The following ERC1 variants were observed in gnomAD, a reference collection of about 807,000 sequenced individuals.
ERC1 encodes ELKS/RAB6-interacting/CAST family member 1, also known as RAB6 interacting protein 2.
In ERC1, 56 loss-of-function variants were observed where a neutral mutation model predicts 132.0. The ratio of observed to expected loss-of-function variants is 0.42; its 90% CI spans 0.34 to 0.53. ERC1 has a LOEUF of 0.53. ERC1 is among the 20% of genes least tolerant of loss of function. ERC1 has a pLI of 0.03. For synonymous variants in ERC1, 478 were observed against 476.1 expected, an observed-to-expected ratio of 1.00 and a Z score of -0.05; for missense variants, 1,202 against 1,349.9, an observed-to-expected ratio of 0.89 and a Z score of 1.72.
In ERC1 at chr12:1,348,793, A is replaced by C. The variant is rs544602227; in HGVS notation, c.2781-23040A>C. Among the ~76,000 whole-genome samples, 18 of 152,244 alleles carry C rather than the reference A, an allele frequency of 1.2e-4. 1 individual carries two copies. The highest frequency in any genetic ancestry group is 4.3e-4 in the African/African-American group (18 of 41,554). On this transcript the variant is annotated intron_variant, in intron 15 of 18. Coordinates refer to ENST00000360905, the MANE Select transcript of ERC1 (RefSeq NM_178040.4). ...TCTCTTAAAATACACGGGTCACCGG[A>C]ATGTAGGTTTTTTGGTAAGTGCTGA...
At position 1,492,967 on chromosome 12, in the gene ERC1, A is replaced by G; in HGVS notation, c.*2737A>G. ...TGAAAACTCAGTGCAGGTTGCCCTT[A>G]ATTTTCCCCAAACCCCTCCATCGGC... On this transcript the variant is annotated 3_prime_UTR_variant, in exon 19 of 19. Coordinates refer to ENST00000360905, the MANE Select transcript of ERC1 (RefSeq NM_178040.4). The G allele has an allele frequency of 4.4e-6, 1 of 226,898 alleles. No individual in the cohort carries two copies. The highest frequency in any genetic ancestry group is 6.3e-5 in the East Asian group (1 of 15,854). 14.1% of individuals were successfully genotyped at this position (226,898 alleles called of 1,614,324 possible).
At chr12:1,294,240 A>T (rs866958257) in intron 15 of ERC1, among the ~76,000 whole-genome samples, 14 of 152,222 alleles carry the variant, frequency 9.2e-5, no homozygotes, top group African/African-American at 3.4e-4. Flanking sequence ...ATAACCCTAA[A>T]TGTTCTTTGC....
At chr12:1,149,668 C>T (rs758787375) in intron 8 of ERC1, among the ~76,000 whole-genome samples, 5 of 151,926 alleles carry the variant, frequency 3.3e-5, no homozygotes, top group African/African-American at 1.2e-4. Flanking sequence ...CAAAGTGCTA[C>T]GATTACAGGC....
rs540691864 is a variant in ERC1, at chr12:1,154,278, C to G, written c.1737+12491C>G. On this transcript the variant is annotated intron_variant, in intron 8 of 18. Transcript: ENST00000360905. Reference sequence around the variant, plus strand: ...GTATATGTGTATATATACACATATACATGTATATATACACACACACGTGCA... The same window carrying G: ...GTATATGTGTATATATACACATATAGATGTATATATACACACACACGTGCA... Among the ~76,000 whole-genome samples the G allele has an allele frequency of 1.1e-4, 13 of 122,194 alleles. No individual in the cohort carries two copies. The South Asian group carries it at 3.1e-3, about 29-fold the overall frequency. 80.2% of individuals were successfully genotyped at this position (122,194 alleles called of 152,430 possible).
intron 13 of ERC1, among the ~76,000 whole-genome samples, chr12:1,252,288 G>A: frequency 6.6e-6 from 1 of 152,156 alleles, no homozygotes. Flanking sequence ...TAAGACCTCA[G>A]AAGCAAAGGT....
At chr12:1,485,468 G>T (rs1211035318) in intron 18 of ERC1, among the ~76,000 whole-genome samples, 3 of 152,116 alleles carry the variant, frequency 2.0e-5, no homozygotes, top group Non-Finnish European at 2.9e-5. Flanking sequence ...CTCCTAAAGT[G>T]CTGGGATTAC....
chr12:1,157,508 T>C (rs1593804963), intron 8 of ERC1, among the ~76,000 whole-genome samples: 1 of 152,358 alleles, frequency 6.6e-6, no homozygotes, highest in East Asian at 1.9e-4. Flanking sequence ...TTATAGTATT[T>C]GTTAAATAAT....
At chr12:1,187,125 G>A (rs1485728112) in intron 11 of ERC1, among the ~76,000 whole-genome samples, 1 of 152,160 alleles carries the variant, frequency 6.6e-6, no homozygotes, top group Non-Finnish European at 1.5e-5. Flanking sequence ...GCCAGTCACT[G>A]CACCTGGCTT....
chr12:1,293,392 G>T (rs1198290577), intron 15 of ERC1, among the ~76,000 whole-genome samples: 1 of 127,126 alleles, frequency 7.9e-6, no homozygotes, highest in African/African-American at 3.0e-5. Context: ...GGCGGAGCTT[G>T]CAGTGAGCTG....
intron 3 of ERC1, among the ~76,000 whole-genome samples, chr12:1,094,908 T>C (rs1177187317): frequency 3.3e-5 from 5 of 152,152 alleles, no homozygotes; most frequent in African/African-American, 1.2e-4. Flanking sequence ...CTGTCTCCGC[T>C]GTGTTGTCAG....
At chr12:1,072,117 A>C (rs554782836) in intron 2 of ERC1, among the ~76,000 whole-genome samples, 1 of 152,044 alleles carries the variant, frequency 6.6e-6, no homozygotes, top group African/African-American at 2.4e-5. Flanking sequence ...AAAAACAAAA[A>C]AGTGTAAAGT....
At chr12:1,429,865 T>C (rs2092741340) in intron 17 of ERC1, among the ~76,000 whole-genome samples, 1 of 151,518 alleles carries the variant, frequency 6.6e-6, no homozygotes, top group Non-Finnish European at 1.5e-5. Flanking sequence ...TTATACATAG[T>C]AGTTCGGGTG....
intron 2 of ERC1, among the ~76,000 whole-genome samples, chr12:1,072,378 C>T (rs531482211): frequency 2.0e-5 from 3 of 152,184 alleles, no homozygotes; most frequent in African/African-American, 4.8e-5. Context: ...CTTTCAAATA[C>T]GAAAACATGA....
chr12:1,221,854 G>T (rs780730969), intron 12 of ERC1, among the ~76,000 whole-genome samples: 1 of 152,188 alleles, frequency 6.6e-6, no homozygotes, highest in Non-Finnish European at 1.5e-5. Context: ...GTATGTGTGT[G>T]CACGTGTGCA....
At chr12:1,454,394 A>G (rs944269415) in intron 18 of ERC1, among the ~76,000 whole-genome samples, 4 of 152,214 alleles carry the variant, frequency 2.6e-5, no homozygotes, top group Non-Finnish European at 4.4e-5. Flanking sequence ...AATCCGAGGA[A>G]GAGATCCTGA....
intron 15 of ERC1, among the ~76,000 whole-genome samples, chr12:1,368,694 T>A (rs1177049985): frequency 6.6e-6 from 1 of 152,090 alleles, no homozygotes; most frequent in East Asian, 1.9e-4. Context: ...TTTCAAGAGG[T>A]TGTTCTCCCT....
At chr12:1,287,594 T>C (rs1053191831) in intron 14 of ERC1, among the ~76,000 whole-genome samples, 7 of 152,256 alleles carry the variant, frequency 4.6e-5, no homozygotes, top group African/African-American at 1.2e-4. Context: ...TCCCTCTGCC[T>C]GACTGCCTTC....
intron 18 of ERC1, among the ~76,000 whole-genome samples, chr12:1,487,913 C>T (rs964886335): frequency 2.4e-4 from 36 of 151,014 alleles, no homozygotes; most frequent in East Asian, 1.4e-3. Context: ...CCGAGGCGGG[C>T]GGATCACAAG....
intron 9 of ERC1, 106 bp from the exon 10 acceptor site, chr12:1,181,819 C>A: frequency 7.8e-6 from 9 of 1,155,244 alleles, no homozygotes; most frequent in East Asian, 2.6e-5. Context: ...TAAAAACTTA[C>A]CATTGTCTTT....
Sources: allele counts gnomAD v4.1 joint callset (sites outside exome capture counted in the v4.1 genomes callset), GRCh38; gene constraint gnomAD v4.1.1; transcripts MANE v1.5; gene names NCBI Gene and HGNC (gene_info 2026-07-23, HGNC 2026-07-21).